PIK3R6: variants seen among roughly 807,000 people sequenced by gnomAD.
PIK3R6 encodes the protein phosphoinositide 3-kinase regulatory subunit 6.
PIK3R6 carries 91 observed loss-of-function variants against 84.9 expected under a neutral mutation model. That is an observed-to-expected ratio of 1.07 (90% CI 0.90 to 1.28). The LOEUF (loss-of-function observed/expected upper bound fraction) is 1.28, where lower values mean the gene tolerates loss of function less well. Ranked by LOEUF, PIK3R6 falls within the 50% of genes most tolerant of loss-of-function variation. The probability of loss-of-function intolerance (pLI) is 0.00; values close to 1 mark genes in which losing one functional copy is unlikely to be tolerated. For synonymous variants in PIK3R6, 416 were observed against 411.4 expected, an observed-to-expected ratio of 1.01 and a Z score of -0.13; for missense variants, 996 against 985.1, an observed-to-expected ratio of 1.01 and a Z score of -0.15.
Position 8,804,155 on chromosome 17 carries a change from T to G in PIK3R6, c.1996-2A>C. On this transcript the variant is annotated splice_acceptor_variant, in intron 18 of 19. Transcript: ENST00000619866. LOFTEE classifies it high-confidence loss of function. The stretch of plus-strand genomic sequence containing the variant: ...CGTCCTGAAGGTGTTGGTCACTGTC[T>G]GCAGCACAGAGATCGCACGTGTGAG... The G allele has an allele frequency of 1.2e-6, 2 of 1,611,046 alleles. No individual in the cohort carries two copies. Among genetic ancestry groups the G allele is most frequent in the Non-Finnish European group, 1.7e-6 (2 of 1,177,186 alleles).
intron 18 of PIK3R6, 140 bp from the exon 19 acceptor site, chr17:8,804,293 A>T: frequency 1.4e-6 from 1 of 690,542 alleles, no homozygotes; most frequent in Non-Finnish European, 2.6e-6. Context: ...GTGACTGAGG[A>T]GTGACAACCC....
At chr17:8,838,499 C>G (rs555000465) in intron 4 of PIK3R6, 65 bp downstream of exon 4, 10 of 1,453,172 alleles carry the variant, frequency 6.9e-6, no homozygotes, top group Middle Eastern at 1.7e-4. Flanking sequence ...AGGACTGAGC[C>G]CCTGCCCAAT....
intron 18 of PIK3R6, among the ~76,000 whole-genome samples, chr17:8,807,781 C>T (rs2087246034): frequency 4.6e-5 from 7 of 151,936 alleles, no homozygotes; most frequent in South Asian, 4.2e-4. Flanking sequence ...GTTTTTCTGC[C>T]CCTGGAGAAT....
chr17:8,838,641 A>C lies in PIK3R6; in HGVS notation c.112T>G (p.Ser38Ala). Residue 38 changes from serine (S) to alanine (A), a missense_variant, in exon 4 of 20, where the codon TCC becomes GCC. Coordinates refer to ENST00000619866, the MANE Select transcript of PIK3R6 (RefSeq NM_001010855.4). ...TCTCGCTCGACCTTCTTGTGCAGGG[A>C]CCACCTCCACATGCCTGGGCCAGGA... ...LQSNQGMWRW[S>A]LHKKVERDPG... is the part of the protein sequence containing the mutation. 6.2e-7 allele frequency: 1 copy of C among 1,602,368 alleles called. No homozygotes were observed. Among genetic ancestry groups the C allele is most frequent in the Non-Finnish European group, 8.5e-7 (1 of 1,174,466 alleles).
chr17:8,816,989 A>C (rs1181462632), intron 18 of PIK3R6, among the ~76,000 whole-genome samples: 1 of 152,246 alleles, frequency 6.6e-6, no homozygotes, highest in Non-Finnish European at 1.5e-5. Flanking sequence ...GTGAAAAATG[A>C]GAACTTACTT....
rs1295721275 is a variant in PIK3R6 at position 8,803,072 on chromosome 17, T to G, written c.*201A>C. 2 of 600,312 alleles carry G rather than the reference T, an allele frequency of 3.3e-6. No homozygotes were observed. The highest frequency in any genetic ancestry group is 5.8e-6 in the Non-Finnish European group (2 of 345,926). 37.2% of individuals were successfully genotyped at this position (600,312 alleles called of 1,614,324 possible). Reference sequence around the variant, plus strand: ...GTTCTCAAGCAGCGACAGCATTGCCTGGGCCATCCGTAGACCTCCATGTGG... The same window carrying G: ...GTTCTCAAGCAGCGACAGCATTGCCGGGGCCATCCGTAGACCTCCATGTGG... On this transcript the variant is annotated 3_prime_UTR_variant, in exon 20 of 20. Transcript: ENST00000619866. The surrounding 1 kb of genome is among the most constrained non-coding windows in gnomAD (Gnocchi z 5.0).
At position 8,803,490 on chromosome 17, in the gene PIK3R6, T is replaced by C; in HGVS notation, c.2109-61A>G. ...CTGAGGGATCAGATTGCCTAGGGCA[T>C]TTGAAAGGCAGAGCTGTTATTGTAG... is the stretch of plus-strand genomic sequence containing the variant. On this transcript the variant is annotated intron_variant, in intron 19 of 19. Transcript: ENST00000619866. This position sits in a 1 kb window ranked among gnomAD's most constrained non-coding sequence, Gnocchi z 5.0. The C allele has an allele frequency of 6.7e-7, 1 of 1,499,064 alleles. No homozygotes were observed. The highest frequency in any genetic ancestry group is 9.0e-7 in the Non-Finnish European group (1 of 1,110,122). 92.9% of individuals were successfully genotyped at this position (1,499,064 alleles called of 1,614,324 possible).
chr17:8,860,427 C>T (rs972231810), intron 1 of PIK3R6, among the ~76,000 whole-genome samples: 8 of 151,844 alleles, frequency 5.3e-5, no homozygotes, highest in African/African-American at 1.9e-4. Context: ...CATCCCGAAT[C>T]CATCCCCATC....
Position 8,849,900 on chromosome 17 carries a change from G to A in PIK3R6, c.-91-15C>T. 1 of 1,457,070 alleles carries A rather than the reference G, an allele frequency of 6.9e-7. No homozygotes were observed. Among genetic ancestry groups the A allele is most frequent in the South Asian group, 1.3e-5 (1 of 78,264 alleles). 90.3% of individuals were successfully genotyped at this position (1,457,070 alleles called of 1,614,324 possible). A position where few individuals can be genotyped will look rare whatever the true frequency, so the allele number is the denominator to read the frequency against. ...CAGAGGTGGTTCTGCAAAATAAGAG[G>A]TAGTTAATTAGTGGAAGCAGTGGGA... On this transcript the variant is annotated splice_polypyrimidine_tract_variant and intron_variant, in intron 1 of 19. Coordinates refer to ENST00000619866, the MANE Select transcript of PIK3R6 (RefSeq NM_001010855.4).
At chr17:8,858,657 G>A (rs2089201592) in intron 1 of PIK3R6, among the ~76,000 whole-genome samples, 3 of 152,036 alleles carry the variant, frequency 2.0e-5, no homozygotes, top group African/African-American at 2.4e-5. Context: ...TGTATGCACC[G>A]TGCCATAAAA....
intron 17 of PIK3R6, among the ~76,000 whole-genome samples, chr17:8,819,923 A>ATATATATATATATATTTT (rs1320906140): frequency 1.3e-5 from 1 of 78,432 alleles, no homozygotes. Context: ...TATATATTTT[A>ATATATATATATATATTTT]TATATATATA....
intron 9 of PIK3R6, among the ~76,000 whole-genome samples, chr17:8,831,535 A>G (rs2088241771): frequency 6.6e-6 from 1 of 152,022 alleles, no homozygotes; most frequent in Non-Finnish European, 1.5e-5. Flanking sequence ...AGCTTTTTCC[A>G]TGTGGGATCA....
intron 12 of PIK3R6, among the ~76,000 whole-genome samples, chr17:8,827,766 GAGAGAGAGA>G (rs2087987600): frequency 3.5e-5 from 2 of 56,398 alleles, no homozygotes; most frequent in East Asian, 1.8e-3. Context: ...AGAGAGAGGA[GAGAGAGAGA>G]GAGAGAGAGA....
rs71371872 is a variant in PIK3R6, at chr17:8,832,581, C to G, written c.802+308G>C. ...TTTTTTTTTGAGACTAAACCCTCTA[C>G]TACTTTAGTAGAGGGTTTCCCCATG... is the stretch of plus-strand genomic sequence containing the variant. On this transcript the variant is annotated intron_variant, in intron 9 of 19. Transcript: ENST00000619866. Among the ~76,000 whole-genome samples the G allele has an allele frequency of 6.1e-5, 9 of 148,392 alleles. No individual in the cohort carries two copies. In the South Asian group the frequency reaches 1.9e-3, roughly 32 times the overall value.
rs182996260 is a variant in PIK3R6, at chr17:8,810,515, C to T, written c.1996-6362G>A. On this transcript the variant is annotated intron_variant, in intron 18 of 19. Coordinates refer to ENST00000619866, the MANE Select transcript of PIK3R6 (RefSeq NM_001010855.4). ...AAGTCCACAGTCCAAAGTCCAAAGT[C>T]TTATTTGAGACAAGGCAAGTCCCTT... Among the ~76,000 whole-genome samples the T allele has an allele frequency of 1.1e-3, 160 of 148,488 alleles. 17 individuals are homozygous for T. Among genetic ancestry groups the T allele is most frequent in the African/African-American group, 4.0e-3 (159 of 39,948 alleles).
At chr17:8,835,145 A>C in intron 8 of PIK3R6, 128 bp downstream of exon 8, 1 of 1,105,926 alleles carries the variant, frequency 9.0e-7, no homozygotes. Context: ...GCCAAAATGT[A>C]TTAATTTTTG....
intron 3 of PIK3R6, 133 bp from the exon 4 acceptor site, chr17:8,838,788 C>T (rs948213704): frequency 2.7e-5 from 21 of 781,730 alleles, no homozygotes; most frequent in Middle Eastern, 3.7e-4. Context: ...CCGCCACCAG[C>T]GCTTGGCTCC....
chr17:8,817,152 G>A (rs745553399), intron 18 of PIK3R6, among the ~76,000 whole-genome samples: 22 of 152,118 alleles, frequency 1.4e-4, no homozygotes, highest in Non-Finnish European at 1.0e-4. Flanking sequence ...ATATTTTTGA[G>A]TTAAAATCAC....
At chr17:8,849,342 C>T (rs553427017) in intron 2 of PIK3R6, among the ~76,000 whole-genome samples, 3 of 152,350 alleles carry the variant, frequency 2.0e-5, no homozygotes, top group African/African-American at 7.2e-5. Context: ...AGCTATGTGA[C>T]TGGGGGAAAA....
Sources: allele counts gnomAD v4.1 joint callset (sites outside exome capture counted in the v4.1 genomes callset), GRCh38; gene constraint gnomAD v4.1.1; non-coding constraint Gnocchi (gnomAD v3.1); transcripts MANE v1.5; gene names NCBI Gene and HGNC (gene_info 2026-07-23, HGNC 2026-07-21).